Variants in STXBP2 observed in about 807,000 individuals in gnomAD.
The protein encoded by STXBP2 is syntaxin-binding protein 2.
Under a neutral mutation model 72.2 loss-of-function variants are expected in STXBP2, and 47 were observed. The ratio of observed to expected loss-of-function variants is 0.65; its 90% CI spans 0.51 to 0.83. The LOEUF (loss-of-function observed/expected upper bound fraction) is 0.83. Among genes scored for constraint, STXBP2 ranks in the 40% least tolerant of loss-of-function variants. The pLI, the probability that STXBP2 is intolerant of heterozygous loss-of-function variation, is 0.00. For missense variants in STXBP2, 702 were observed against 807.6 expected (o/e 0.87, Z 1.58); for synonymous variants, 367 against 338.7 (o/e 1.08, Z -0.92).
upstream of STXBP2, chr19:7,633,476 C>A: frequency 6.4e-7 from 1 of 1,569,480 alleles, no homozygotes; most frequent in Non-Finnish European, 8.7e-7. Context: ...ACTCCAGTCA[C>A]TTTTCTGCTG....
At chr19:7,641,894 C>T in intron 7 of STXBP2, 41 bp downstream of exon 7, 1 of 1,580,996 alleles carries the variant, frequency 6.3e-7, no homozygotes, top group Non-Finnish European at 8.6e-7. Context: ...CCGACCCCCC[C>T]TTAACCGCGT....
chr19:7,645,457 G>T (rs889185), intron 15 of STXBP2, 151 bp downstream of exon 15: 1 of 717,604 alleles, frequency 1.4e-6, no homozygotes, highest in Non-Finnish European at 2.3e-6. Flanking sequence ...TTCGGGTCTG[G>T]TCTGGGGCCC....
chr19:7,632,375 C>T (rs756769829), upstream of STXBP2: 16 of 1,613,216 alleles, frequency 9.9e-6, no homozygotes, highest in East Asian at 1.1e-4. The surrounding 1 kb of genome is among the most constrained non-coding windows in gnomAD (Gnocchi z 5.2). Context: ...TCCTCGACAT[C>T]GCCAGAACAT....
upstream of STXBP2, chr19:7,632,720 C>T (rs1216714784): frequency 1.3e-6 from 2 of 1,558,738 alleles, no homozygotes; most frequent in Admixed American, 3.7e-5. This position sits in a 1 kb window ranked among gnomAD's most constrained non-coding sequence, Gnocchi z 5.2. Context: ...GCTCACGGCT[C>T]TTGGTGGTCT....
chr19:7,630,916 A>G, the STXBP2 span: 2 of 1,532,078 alleles, frequency 1.3e-6, no homozygotes, highest in Non-Finnish European at 1.8e-6. Flanking sequence ...TGGGTTTTAG[A>G]TGAAAATTTT....
At chr19:7,632,381 A>T, upstream of STXBP2, 10 of 1,613,664 alleles carry the variant, frequency 6.2e-6, no homozygotes, top group Non-Finnish European at 8.5e-6. The surrounding 1 kb of genome is among the most constrained non-coding windows in gnomAD (Gnocchi z 5.2). Context: ...ACATCGCCAG[A>T]ACATCACCTA....
chr19:7,632,089 G>A (rs773945099), upstream of STXBP2: 4 of 554,958 alleles, frequency 7.2e-6, no homozygotes, highest in South Asian at 5.2e-5. This position sits in a 1 kb window ranked among gnomAD's most constrained non-coding sequence, Gnocchi z 5.2. Context: ...GTGAGCTTAC[G>A]TGACTTCCTC....
In STXBP2 at chr19:7,647,463, G is replaced by T; in HGVS notation, c.1648G>T (p.Ala550Ser). ...GGVAMSEMRA[A>S]YEVTRATEGK... The stretch of plus-strand genomic sequence containing the variant: ...TGTGGCCATGTCAGAGATGAGGGCC[G>T]CCTACGAGGTGACCAGGGCCACCGA... Residue 550 changes from alanine to serine, a missense_variant, in exon 18 of 19, where the codon GCC becomes TCC. Ala to Ser is a moderately conservative substitution (Grantham distance 99). Transcript: ENST00000221283. The T allele has an allele frequency of 6.2e-7, 1 of 1,611,680 alleles. No homozygotes were observed. The highest frequency in any genetic ancestry group is 8.5e-7 in the Non-Finnish European group (1 of 1,178,992).
At chr19:7,638,359 T>C (rs1599388288) in intron 1 of STXBP2, among the ~76,000 whole-genome samples, 1 of 152,152 alleles carries the variant, frequency 6.6e-6, no homozygotes, top group Non-Finnish European at 1.5e-5. Flanking sequence ...CCCAGCACTT[T>C]GGGAGGCCGA....
At chr19:7,632,709 T>C (rs2031373886), upstream of STXBP2, 5 of 1,554,734 alleles carry the variant, frequency 3.2e-6, no homozygotes, top group South Asian at 1.2e-5. The surrounding 1 kb of genome is among the most constrained non-coding windows in gnomAD (Gnocchi z 5.2). Context: ...CCCGTGCCCA[T>C]GCTCACGGCT....
In STXBP2 at chr19:7,639,930, ATGTGTGTGCATG is replaced by A. The variant is rs955277670; in HGVS notation, c.246+130_246+141del. 1.5e-5 allele frequency: 6 copies of A among 411,578 alleles called. No individual in the cohort carries two copies. In the East Asian group the frequency reaches 2.2e-4, roughly 15 times the overall value. The allele number at this position is 411,578 out of a possible 1,614,324, so 25.5% of individuals were successfully genotyped here. On this transcript the variant is annotated intron_variant, in intron 4 of 18. Coordinates refer to ENST00000221283, the MANE Select transcript of STXBP2 (RefSeq NM_006949.4). Reference sequence around the variant, plus strand: ...TATACGTGTGCATGTGTCCATGTGTATGTGTGTGCATGTGTGTGCATGTGTGTGTGCATCTGT... The same window carrying A: ...TATACGTGTGCATGTGTCCATGTGTATGTGTGCATGTGTGTGTGCATCTGT...
At chr19:7,644,802 C>T (rs746201851) in intron 14 of STXBP2, 50 bp downstream of exon 14, 6 of 1,612,454 alleles carry the variant, frequency 3.7e-6, no homozygotes, top group Middle Eastern at 1.7e-4. Flanking sequence ...CCAGCGTCTC[C>T]CACGATCCTG....
chr19:7,629,821 C>T, the STXBP2 span: 1 of 1,536,632 alleles, frequency 6.5e-7, no homozygotes, highest in Non-Finnish European at 8.7e-7. Context: ...CTTTGTTGAC[C>T]GGGAGAAACG....
chr19:7,631,969 AGT>A, upstream of STXBP2: 1 of 715,822 alleles, frequency 1.4e-6, no homozygotes, highest in Non-Finnish European at 2.0e-6. Flanking sequence ...GTGGCATTTG[AGT>A]GTGAGGTGGC....
Position 7,639,071 on chromosome 19 carries a change from T to C in STXBP2, c.140T>C (p.Met47Thr). ...SMRILSSCCK[M>T]SDILAEGITI... The stretch of plus-strand genomic sequence containing the variant: ...CGCATCTTGTCTTCCTGCTGCAAAA[T>C]GTCAGATATCCTGGCTGAGGGCATC... Residue 47 changes from methionine (M) to threonine (T), a missense_variant, in exon 3 of 19, where the codon ATG becomes ACG. Met to Thr is a moderately conservative substitution (Grantham distance 81). Transcript: ENST00000221283. The C allele has an allele frequency of 1.2e-6, 2 of 1,614,196 alleles. No homozygotes were observed. The highest frequency in any genetic ancestry group is 1.3e-5 in the African/African-American group (1 of 75,046).
At chr19:7,632,107 T>C (rs539231562), upstream of STXBP2, 215 of 565,940 alleles carry the variant, frequency 3.8e-4, no homozygotes, top group Non-Finnish European at 5.9e-4. The surrounding 1 kb of genome is among the most constrained non-coding windows in gnomAD (Gnocchi z 5.2). Flanking sequence ...CTCCCTGGGA[T>C]ACTTTCCTAG....
rs370890802 is a variant in STXBP2 at position 7,642,777 on chromosome 19, A to G, written c.914A>G (p.Glu305Gly). The change falls in exon 11 of 19, where the codon GAG becomes GGG. Residue 305 changes from glutamate (E) to glycine (G), a missense_variant. Physicochemically the swap from Glu to Gly is moderately conservative, Grantham distance 98. Coordinates refer to ENST00000221283, the MANE Select transcript of STXBP2 (RefSeq NM_006949.4). The surrounding 1 kb of genome is among the most constrained non-coding windows in gnomAD (Gnocchi z 6.0). ...HIADVSKKVTELLRTFCESKR... is the reference protein window; with the variant it reads ...HIADVSKKVTGLLRTFCESKR... The stretch of plus-strand genomic sequence containing the variant: ...ACCCTCATGGCCAGGAAGGTCACGG[A>G]GCTCCTGAGGACCTTCTGTGAGAGC... 223 of 1,613,678 alleles carry G rather than the reference A, an allele frequency of 1.4e-4. 1 individual carries two copies. Among genetic ancestry groups the G allele is most frequent in the Admixed American group, 5.0e-5 (3 of 59,976 alleles).
At chr19:7,635,340 T>TAA (rs767499012), upstream of STXBP2, among the ~76,000 whole-genome samples, 1 of 152,230 alleles carries the variant, frequency 6.6e-6, no homozygotes, top group African/African-American at 2.4e-5. Context: ...GCCATTGACT[T>TAA]ACGCACCTTA....
Position 7,637,165 on chromosome 19 carries a change from C to A in STXBP2, c.16C>A (p.Leu6Met). The A allele has an allele frequency of 8.0e-7, 1 of 1,242,618 alleles. No homozygotes were observed. The allele number at this position is 1,242,618 out of a possible 1,614,324, so 77.0% of individuals were successfully genotyped here. ...CTCGGGGAAGATGGCGCCCTCGGGG[C>A]TGAAGGCGGTGGTGGGGGAAAGTGA... MAPSG[L>M]KAVVGEKILS... Residue 6 changes from leucine to methionine, a missense_variant, in exon 1 of 19, where the codon CTG becomes ATG. By Grantham distance (15) the Leu-to-Met change is conservative. Coordinates refer to ENST00000221283, the MANE Select transcript of STXBP2 (RefSeq NM_006949.4).
Sources: allele counts gnomAD v4.1 joint callset (sites outside exome capture counted in the v4.1 genomes callset), GRCh38; gene constraint gnomAD v4.1.1; non-coding constraint Gnocchi (gnomAD v3.1); transcripts MANE v1.5; gene names NCBI Gene and HGNC (gene_info 2026-07-23, HGNC 2026-07-21).